Variants in TMEM161A observed in about 807,000 individuals in gnomAD.
TMEM161A encodes the protein transmembrane protein 161A, also known as adaptive response to oxidative stress protein 29.
A neutral mutation model predicts 57.1 loss-of-function variants in TMEM161A; 46 were observed. The ratio of observed to expected loss-of-function variants is 0.81; its 90% CI spans 0.64 to 1.03. TMEM161A has a LOEUF of 1.03. Ranked by LOEUF, TMEM161A falls within the 50% of genes least tolerant of loss-of-function variation. TMEM161A has a pLI of 0.00. For synonymous variants in TMEM161A, 288 were observed against 279.0 expected (o/e 1.03, Z -0.32); for missense variants, 601 against 621.5 (o/e 0.97, Z 0.35).
At chr19:19,128,203 G>A (rs1252738525) in intron 6 of TMEM161A, among the ~76,000 whole-genome samples, 2 of 151,054 alleles carry the variant, frequency 1.3e-5, no homozygotes, top group African/African-American at 4.9e-5. Context: ...GGACGGTGGT[G>A]ATGGTTGCAC....
chr19:19,123,515 T>C (rs973111017), intron 6 of TMEM161A, among the ~76,000 whole-genome samples: 1 of 152,116 alleles, frequency 6.6e-6, no homozygotes, highest in African/African-American at 2.4e-5. Flanking sequence ...AAAAGTAAGA[T>C]GGTAGAAACA....
chr19:19,136,435 C>T (rs892914775), intron 1 of TMEM161A, among the ~76,000 whole-genome samples: 15 of 151,908 alleles, frequency 9.9e-5, no homozygotes, highest in Non-Finnish European at 1.9e-4. Flanking sequence ...GCGGGCTGAT[C>T]ACTTGAGGTC....
At position 19,132,552 on chromosome 19, in the gene TMEM161A, C is replaced by T. The variant is rs2059963950; in HGVS notation, c.287-44G>A. On this transcript the variant is annotated intron_variant, in intron 4 of 11. Transcript: ENST00000162044. The surrounding 1 kb of genome is among the most constrained non-coding windows in gnomAD (Gnocchi z 4.3). ...TCAGCCCTGGGGCCCAGCTCGCTCC[C>T]CTCCTAATAGAACATTCTTCCTTCA... 1.3e-6 allele frequency: 2 copies of T among 1,596,720 alleles called. No individual in the cohort carries two copies. The highest frequency in any genetic ancestry group is 1.7e-6 in the Non-Finnish European group (2 of 1,171,136).
Position 19,120,802 on chromosome 19 carries a change from G to C in TMEM161A, c.1149C>G (p.Ile383Met), listed in dbSNP as rs776110318. The change falls in exon 11 of 12, where the codon ATC becomes ATG. Residue 383 changes from isoleucine to methionine, a missense_variant. By Grantham distance (10) the Ile-to-Met change is conservative. Transcript: ENST00000162044. ...VVSLQYLTPLILTLNCTLLLK... is the reference protein window; with the variant it reads ...VVSLQYLTPLMLTLNCTLLLK... ...GCAGAAGTGTGCAGTTGAGGGTGAG[G>C]ATGAGCGGCGTCAGGTACTGCAAGC... The C allele has an allele frequency of 6.2e-7, 1 of 1,613,498 alleles. No homozygotes were observed. Among genetic ancestry groups the C allele is most frequent in the South Asian group, 1.1e-5 (1 of 91,090 alleles).
chr19:19,119,725 A>C lies in TMEM161A; in HGVS notation c.*205T>G. ...CGGAGACAATGGCCTCGGGACCCTC[A>C]TGCTGCTGGGCCCAGGAGAGACAGT... is the stretch of plus-strand genomic sequence containing the variant. On this transcript the variant is annotated 3_prime_UTR_variant, in exon 12 of 12. Transcript: ENST00000162044. 1 of 630,746 alleles carries C rather than the reference A, an allele frequency of 1.6e-6. No individual in the cohort carries two copies. Among genetic ancestry groups the C allele is most frequent in the Non-Finnish European group, 2.7e-6 (1 of 368,928 alleles). The allele number at this position is 630,746 out of a possible 1,614,324, so 39.1% of individuals were successfully genotyped here. A position where few individuals can be genotyped will look rare whatever the true frequency, so the allele number is the denominator to read the frequency against.
At chr19:19,131,497 T>C (rs930524654) in intron 5 of TMEM161A, among the ~76,000 whole-genome samples, 8 of 88,574 alleles carry the variant, frequency 9.0e-5, no homozygotes, top group African/African-American at 3.3e-4. Flanking sequence ...CACACACATA[T>C]ATATATATAT....
At chr19:19,124,241 C>G (rs2059922041) in intron 6 of TMEM161A, among the ~76,000 whole-genome samples, 1 of 152,092 alleles carries the variant, frequency 6.6e-6, no homozygotes, top group South Asian at 2.1e-4. Flanking sequence ...GCTCTCTTGT[C>G]CCAGAGGGAG....
intron 6 of TMEM161A, among the ~76,000 whole-genome samples, chr19:19,125,683 ATTTTTTGTATT>A (rs2059927527): frequency 6.6e-6 from 1 of 151,390 alleles, no homozygotes; most frequent in African/African-American, 2.4e-5. Context: ...CGCCTGGCTA[ATTTTTTGTATT>A]TTTAGTAGAG....
chr19:19,121,021 G>A lies in TMEM161A; in HGVS notation c.1060C>T (p.Arg354Cys), dbSNP rs1200821748. The part of the protein sequence containing the change: ...RVEQLRREAG[R>C]IEAREIQQRV... ...TGCTGGATTTCACGGGCTTCGATGCGGCCAGCCTCCCTTCGCAGCTGCTCC... is the reference window on the plus strand; with the variant it reads ...TGCTGGATTTCACGGGCTTCGATGCAGCCAGCCTCCCTTCGCAGCTGCTCC... Residue 354 changes from arginine to cysteine, a missense_variant, in exon 10 of 12, where the codon CGC (arginine) becomes TGC (cysteine). Transcript: ENST00000162044. The surrounding 1 kb of genome is among the most constrained non-coding windows in gnomAD (Gnocchi z 5.8). 5.6e-6 allele frequency: 9 copies of A among 1,609,342 alleles called. No individual in the cohort carries two copies. The South Asian group carries it at 6.6e-5, about 12-fold the overall frequency.
In TMEM161A at chr19:19,120,136, G is replaced by C; in HGVS notation, c.1234C>G (p.Pro412Ala). The C allele has an allele frequency of 1.3e-6, 2 of 1,564,896 alleles. No homozygotes were observed. The highest frequency in any genetic ancestry group is 1.7e-6 in the Non-Finnish European group (2 of 1,154,838). The part of the protein sequence containing the change: ...LGPAPLLSPD[P>A]SSASAAPIGS... ...ATGGGGGCAGCGCTGGCTGAGGATG[G>C]GTCGGGGGATAGTAGAGGAGCTGGG... is the stretch of plus-strand genomic sequence containing the variant. Residue 412 changes from proline to alanine, a missense_variant, in exon 12 of 12, where the codon CCA (proline) becomes GCA (alanine). Transcript: ENST00000162044.
rs545618249 is a variant in TMEM161A, at chr19:19,123,084, A to G, written c.596-1265T>C. ...TTAAACAGCACATTAGGAACAGCCA[A>G]AGGAGGAAGTGATGAACTGGAAGAC... On this transcript the variant is annotated intron_variant, in intron 6 of 11. Coordinates refer to ENST00000162044, the MANE Select transcript of TMEM161A (RefSeq NM_017814.3). 2.4e-4 allele frequency among the ~76,000 whole-genome samples: 37 copies of G among 152,352 alleles called. No homozygotes were observed. In the South Asian group the frequency reaches 6.6e-3, roughly 27 times the overall value.
At chr19:19,128,228 CTTTTTTTT>C (rs531458159) in intron 6 of TMEM161A, among the ~76,000 whole-genome samples, 1 of 120,768 alleles carries the variant, frequency 8.3e-6, no homozygotes, top group Non-Finnish European at 1.7e-5. Context: ...TCTAAATAGA[CTTTTTTTT>C]TTTTTTTTTT....
rs561052810 is a variant in TMEM161A, at chr19:19,136,547, T to C, written c.4-1660A>G. 4.2e-3 allele frequency among the ~76,000 whole-genome samples: 633 copies of C among 152,000 alleles called. 5 individuals carry two copies. The highest frequency in any genetic ancestry group is 0.014 in the African/African-American group (567 of 41,422). On this transcript the variant is annotated intron_variant, in intron 1 of 11. Transcript: ENST00000162044. ...GGTGGGCGCCTGTAATCCCAGCTAC[T>C]TGGGAGGCTGAGGCAGCAGAATTGC...
chr19:19,132,726 G>A lies in TMEM161A; in HGVS notation c.217C>T (p.Pro73Ser). The change falls in exon 4 of 12, where the codon CCA (proline) becomes TCA (serine). Residue 73 changes from proline to serine, a missense_variant. By Grantham distance (74) the Pro-to-Ser change is moderately conservative. Transcript: ENST00000162044. The surrounding 1 kb of genome is among the most constrained non-coding windows in gnomAD (Gnocchi z 4.3). Reference sequence around the variant, plus strand: ...GGGGCATCTCGGGGCACAGACAGTGGCTTCTCCTCACTAAGGCCATTGGCC... The same window carrying A: ...GGGGCATCTCGGGGCACAGACAGTGACTTCTCCTCACTAAGGCCATTGGCC... The part of the protein sequence containing the change: ...RWANGLSEEK[P>S]LSVPRDAPFQ... 2 of 1,571,280 alleles carry A rather than the reference G, an allele frequency of 1.3e-6. No homozygotes were observed. Among genetic ancestry groups the A allele is most frequent in the Admixed American group, 1.9e-5 (1 of 53,040 alleles).
intron 5 of TMEM161A, among the ~76,000 whole-genome samples, chr19:19,131,145 G>A (rs547658191): frequency 2.0e-5 from 3 of 151,160 alleles, no homozygotes; most frequent in African/African-American, 4.9e-5. Flanking sequence ...ACTTGAACCC[G>A]GGAGACAGAG....
chr19:19,135,164 A>G (rs1161933389), intron 1 of TMEM161A, among the ~76,000 whole-genome samples: 3 of 152,022 alleles, frequency 2.0e-5, no homozygotes, highest in Non-Finnish European at 4.4e-5. Flanking sequence ...TCCGCTATGG[A>G]TTCAGGTATA....
Position 19,134,877 on chromosome 19 carries a change from C to G in TMEM161A, c.14G>C (p.Gly5Ala), listed in dbSNP as rs1175051975. The change falls in exon 2 of 12, where the codon GGA becomes GCA. Residue 5 changes from glycine to alanine, a missense_variant. Gly to Ala is a moderately conservative substitution (Grantham distance 60). Transcript: ENST00000162044. MAVL[G>A]VQLVVTLLTA... ...GAGCAGGGTCACCACCAGCTGTACT[C>G]CGAGGACCGCCTGGGGGGAGGGGAC... is the stretch of plus-strand genomic sequence containing the variant. 5.0e-6 allele frequency: 8 copies of G among 1,588,862 alleles called. No individual in the cohort carries two copies. Among genetic ancestry groups the G allele is most frequent in the Non-Finnish European group, 6.8e-6 (8 of 1,168,236 alleles).
In TMEM161A at chr19:19,121,346, G is replaced by A. The variant is rs1395025740; in HGVS notation, c.876C>T (p.Phe292=). ...WLWTKPIARD[F]LHQPPFGETR... is the part of the protein sequence containing the mutation. ...TCTCCCCAAACGGCGGCTGGTGCAG[G>A]AAGTCCCGTGCAATGGGCTTTGTCC... is the stretch of plus-strand genomic sequence containing the variant. The change falls in exon 9 of 12, where the codon TTC becomes TTT. Residue 292 remains phenylalanine (F), a synonymous_variant. Coordinates refer to ENST00000162044, the MANE Select transcript of TMEM161A (RefSeq NM_017814.3). This position sits in a 1 kb window ranked among gnomAD's most constrained non-coding sequence, Gnocchi z 5.8. 1.3e-6 allele frequency: 2 copies of A among 1,591,276 alleles called. No homozygotes were observed. Among genetic ancestry groups the A allele is most frequent in the South Asian group, 2.3e-5 (2 of 88,650 alleles).
At position 19,119,950 on chromosome 19, in the gene TMEM161A, G is replaced by C. The variant is rs200405991; in HGVS notation, c.1420C>G (p.Gln474Glu). The part of the protein sequence containing the change: ...LASLFGLYFH[Q>E]HLAGS The stretch of plus-strand genomic sequence containing the variant: ...GGCAGCTAGGAGCCTGCCAAGTGCT[G>C]GTGGAAGTAGAGGCCGAAAAGGCTG... Residue 474 changes from glutamine (Q) to glutamate (E), a missense_variant, in exon 12 of 12, where the codon CAG becomes GAG. Physicochemically the swap from Gln to Glu is conservative, Grantham distance 29 (BLOSUM62 2). Transcript: ENST00000162044. 322 of 1,559,718 alleles carry C rather than the reference G, an allele frequency of 2.1e-4. 5 individuals carry two copies. The East Asian group carries it at 3.7e-3, about 18-fold the overall frequency.
Sources: allele counts gnomAD v4.1 joint callset (sites outside exome capture counted in the v4.1 genomes callset), GRCh38; gene constraint gnomAD v4.1.1; non-coding constraint Gnocchi (gnomAD v3.1); transcripts MANE v1.5; gene names NCBI Gene and HGNC (gene_info 2026-07-23, HGNC 2026-07-21).